The following ZNF461 variants were observed in gnomAD, a reference collection of about 807,000 sequenced individuals.
ZNF461 encodes the protein gonadotropin-inducible ovarian transcription factor-1.
Under a neutral mutation model 18.3 loss-of-function variants are expected in ZNF461, and 16 were observed. The observed-to-expected ratio is 0.88, with a 90% CI of 0.59 to 1.33. ZNF461 has a LOEUF of 1.33. Among genes scored for constraint, ZNF461 ranks in the 40% most tolerant of loss-of-function variants. ZNF461 has a pLI of 0.00. For synonymous variants in ZNF461, 179 were observed against 216.9 expected (o/e 0.83, Z 1.54); for missense variants, 595 against 669.9 (o/e 0.89, Z 1.23).
chr19:36,643,593 G>T, intron 5 of ZNF461: 1 of 387,226 alleles, frequency 2.6e-6, no homozygotes, highest in South Asian at 6.7e-5. Context: ...CTTACCACTG[G>T]ACAGGAGAGA....
intron 2 of ZNF461, among the ~76,000 whole-genome samples, chr19:36,660,721 A>G (rs1181680415): frequency 1.3e-5 from 2 of 152,040 alleles, no homozygotes; most frequent in African/African-American, 2.4e-5. Flanking sequence ...AAGACAAACA[A>G]AAGCTGAAAG....
At position 36,666,095 on chromosome 19, in the gene ZNF461, G is replaced by GTTT. The variant is rs111371703; in HGVS notation, c.-81+592_-81+594dup. 3.1e-3 allele frequency among the ~76,000 whole-genome samples: 437 copies of GTTT among 141,434 alleles called. 1 individual carries two copies. Among genetic ancestry groups the GTTT allele is most frequent in the Middle Eastern group, 7.5e-3 (2 of 266 alleles). The allele number at this position is 141,434 out of a possible 152,430, so 92.8% of individuals were successfully genotyped here. Reference sequence around the variant, plus strand: ...CTGAGGATAACGTGAATGTTTTTTTGTTTTTTTTTTTTTGAGACAGTTTCG... The same window carrying GTTT: ...CTGAGGATAACGTGAATGTTTTTTTGTTTTTTTTTTTTTTTTGAGACAGTTTCG... On this transcript the variant is annotated intron_variant, in intron 1 of 5. Coordinates refer to ENST00000588268, the MANE Select transcript of ZNF461 (RefSeq NM_153257.5).
chr19:36,651,743 AG>A (rs1490020820), intron 4 of ZNF461, among the ~76,000 whole-genome samples: 2 of 152,240 alleles, frequency 1.3e-5, no homozygotes, highest in African/African-American at 4.8e-5. Context: ...AATAGAATAA[AG>A]GTGTTCTCTC....
chr19:36,639,521 CA>C lies in ZNF461; in HGVS notation c.823del (p.Cys275ValfsTer154). ...ATTAAAGGCCTTCCCACATTCGTTA[CA>C]TTCATAGCGTTTTTCACCATTATGA... ...RIHNGEKRYE[C>X]NECGKAFNYG... On this transcript the variant is annotated frameshift_variant, in exon 6 of 6. Transcript: ENST00000588268. LOFTEE classifies it low-confidence loss of function (END_TRUNC). 6.2e-7 allele frequency: 1 copy of C among 1,613,892 alleles called. No individual in the cohort carries two copies. Among genetic ancestry groups the C allele is most frequent in the Non-Finnish European group, 8.5e-7 (1 of 1,179,838 alleles).
chr19:36,644,932 A>T (rs2037497655), intron 4 of ZNF461, among the ~76,000 whole-genome samples: 2 of 152,048 alleles, frequency 1.3e-5, no homozygotes, highest in Non-Finnish European at 2.9e-5. Flanking sequence ...ATTATTAAAA[A>T]ATCTGGCCTG....
In ZNF461 at chr19:36,638,762, C is replaced by G; in HGVS notation, c.1583G>C (p.Gly528Ala). Residue 528 changes from glycine to alanine, a missense_variant, in exon 6 of 6, where the codon GGG (glycine) becomes GCG (alanine). Transcript: ENST00000588268. ...IHSGKKPYQC[G>A]KAFNHRLQLN... ...TTGTAATCTATGATTAAACGCCTTC[C>G]CGCATTGATAAGGTTTCTTTCCAGA... 1 of 1,614,108 alleles carries G rather than the reference C, an allele frequency of 6.2e-7. No individual in the cohort carries two copies. Among genetic ancestry groups the G allele is most frequent in the East Asian group, 2.2e-5 (1 of 44,876 alleles).
chr19:36,665,564 C>T (rs2037897263), intron 1 of ZNF461, among the ~76,000 whole-genome samples: 1 of 152,008 alleles, frequency 6.6e-6, no homozygotes, highest in African/African-American at 2.4e-5. Context: ...CAAAAATTAG[C>T]TGGGTGTGGT....
intron 4 of ZNF461, among the ~76,000 whole-genome samples, chr19:36,650,907 C>T (rs2037613862): frequency 6.7e-6 from 1 of 149,902 alleles, no homozygotes; most frequent in African/African-American, 2.4e-5. Context: ...AGGGGAACTC[C>T]CTCAACCTTA....
At chr19:36,650,567 C>T (rs2037608699) in intron 4 of ZNF461, among the ~76,000 whole-genome samples, 1 of 152,050 alleles carries the variant, frequency 6.6e-6, no homozygotes, top group Admixed American at 6.6e-5. Context: ...GACAACACTT[C>T]TCAACTCACT....
chr19:36,643,945 CT>C, intron 4 of ZNF461, 83 bp from the exon 5 acceptor site: 1 of 1,161,918 alleles, frequency 8.6e-7, no homozygotes, highest in Non-Finnish European at 1.1e-6. Context: ...ATTTCTTTTT[CT>C]TTTTAGACAG....
At chr19:36,643,578 ATTCTC>A (rs1248968879) in intron 5 of ZNF461, 2 of 329,718 alleles carry the variant, frequency 6.1e-6, no homozygotes, top group African/African-American at 4.3e-5. Context: ...TTTTTTACTT[ATTCTC>A]TTACCACTGG....
At chr19:36,642,683 T>C (rs949393379) in intron 5 of ZNF461, among the ~76,000 whole-genome samples, 3 of 122,570 alleles carry the variant, frequency 2.4e-5, no homozygotes, top group Non-Finnish European at 5.5e-5. Flanking sequence ...GTTAGACTTC[T>C]TTTTTTTTTT....
chr19:36,653,026 C>T (rs1428018388), intron 4 of ZNF461, among the ~76,000 whole-genome samples: 2 of 152,088 alleles, frequency 1.3e-5, no homozygotes, highest in South Asian at 2.1e-4. Flanking sequence ...AAAATTAAAA[C>T]CACAATAAGA....
intron 3 of ZNF461, among the ~76,000 whole-genome samples, chr19:36,657,208 C>T (rs566494649): frequency 5.3e-5 from 8 of 151,774 alleles, no homozygotes; most frequent in African/African-American, 7.2e-5. Context: ...AGGTCAGGCG[C>T]GGTGGCTCAC....
intron 5 of ZNF461, 98 bp downstream of exon 5, chr19:36,643,696 G>T (rs1413017953): frequency 2.0e-5 from 24 of 1,185,928 alleles, no homozygotes; most frequent in Non-Finnish European, 2.4e-5. Flanking sequence ...GAAGTTTCTA[G>T]AGTAGTAGGT....
At chr19:36,641,345 C>T (rs982799275) in intron 5 of ZNF461, among the ~76,000 whole-genome samples, 3 of 151,794 alleles carry the variant, frequency 2.0e-5, no homozygotes, top group African/African-American at 7.3e-5. Context: ...CATGGTGAAA[C>T]CTGTCTCTAC....
At chr19:36,641,574 T>A (rs2037425424) in intron 5 of ZNF461, among the ~76,000 whole-genome samples, 1 of 149,940 alleles carries the variant, frequency 6.7e-6, no homozygotes, top group African/African-American at 2.4e-5. Context: ...TATGTTTTTT[T>A]ACCCATAAAG....
intron 4 of ZNF461, among the ~76,000 whole-genome samples, chr19:36,645,542 A>G (rs1035942899): frequency 6.6e-6 from 1 of 152,178 alleles, no homozygotes; most frequent in Admixed American, 6.5e-5. Context: ...AAATTTATAT[A>G]TTTAAAGGAT....
At chr19:36,651,848 A>C (rs1212332973) in intron 4 of ZNF461, among the ~76,000 whole-genome samples, 1 of 152,234 alleles carries the variant, frequency 6.6e-6, no homozygotes, top group African/African-American at 2.4e-5. Context: ...ATATGGAAAG[A>C]AAAAGGTCCT....
Sources: gnomAD v4.1 joint callset for allele counts (sites outside exome capture counted in the v4.1 genomes callset) on GRCh38, gnomAD v4.1.1 for gene constraint, MANE v1.5 for transcripts, NCBI Gene and HGNC (gene_info 2026-07-23, HGNC 2026-07-21) for gene names.